Variants in SLC24A2 observed in about 807,000 individuals in gnomAD.
SLC24A2 encodes the protein solute carrier family 24 member 2.
SLC24A2 carries 36 observed loss-of-function variants against 62.0 expected under a neutral mutation model. The ratio of observed to expected loss-of-function variants is 0.58; its 90% CI spans 0.44 to 0.77. SLC24A2 has a LOEUF of 0.77. Among genes scored for constraint, SLC24A2 ranks in the 30% least tolerant of loss-of-function variants. The pLI is 0.00. For missense variants in SLC24A2, 846 were observed against 817.9 expected (o/e 1.03, Z -0.42); for synonymous variants, 358 against 294.0 (o/e 1.22, Z -2.23).
At chr9:19,577,584 G>A (rs549144369) in intron 5 of SLC24A2, among the ~76,000 whole-genome samples, 1 of 152,262 alleles carries the variant, frequency 6.6e-6, no homozygotes, top group East Asian at 1.9e-4. Flanking sequence ...TAAGGAACAT[G>A]CATCACAGCT....
chr9:20,204,398 A>G, the SLC24A2 span, among the ~76,000 whole-genome samples: 1 of 152,214 alleles, frequency 6.6e-6, no homozygotes, highest in Admixed American at 6.5e-5. Flanking sequence ...AAGCATGGCT[A>G]TTTTGCTTGC....
At chr9:20,173,792 T>C in the SLC24A2 span, among the ~76,000 whole-genome samples, 1 of 151,934 alleles carries the variant, frequency 6.6e-6, no homozygotes, top group South Asian at 2.1e-4. Context: ...ATCTATAAGT[T>C]CAATGCAATT....
chr9:20,080,364 G>C, the SLC24A2 span, among the ~76,000 whole-genome samples: 132 of 152,276 alleles, frequency 8.7e-4, 1 homozygote, highest in African/African-American at 2.6e-3. Context: ...CTGACAAAAA[G>C]AAGAAATGGG....
the SLC24A2 span, among the ~76,000 whole-genome samples, chr9:19,843,915 C>T: frequency 2.0e-5 from 3 of 152,146 alleles, no homozygotes; most frequent in Non-Finnish European, 4.4e-5. Flanking sequence ...TTTCTTTGTC[C>T]AGTCCACTGT....
At chr9:19,635,025 C>G (rs1818276112) in intron 2 of SLC24A2, among the ~76,000 whole-genome samples, 1 of 152,156 alleles carries the variant, frequency 6.6e-6, no homozygotes, top group African/African-American at 2.4e-5. Flanking sequence ...GCTGTGGTTT[C>G]CTAGGACATA....
intron 2 of SLC24A2, among the ~76,000 whole-genome samples, chr9:19,704,798 CTTTTTTT>C: frequency 7.4e-6 from 1 of 135,736 alleles, no homozygotes; most frequent in South Asian, 2.4e-4. Context: ...AAAAACCAAA[CTTTTTTT>C]TTTTTTTTTT....
At chr9:19,768,517 C>G (rs961259914) in intron 2 of SLC24A2, among the ~76,000 whole-genome samples, 2 of 152,102 alleles carry the variant, frequency 1.3e-5, no homozygotes, top group Non-Finnish European at 2.9e-5. Context: ...TGAACCCTCT[C>G]TATATTTTGT....
At chr9:20,104,140 G>C in the SLC24A2 span, among the ~76,000 whole-genome samples, 1 of 152,116 alleles carries the variant, frequency 6.6e-6, no homozygotes, top group Admixed American at 6.5e-5. Context: ...GAGAAGGGAA[G>C]TTTAGAGAAA....
At chr9:19,901,395 A>T in the SLC24A2 span, among the ~76,000 whole-genome samples, 802 of 152,288 alleles carry the variant, frequency 5.3e-3, 6 homozygotes, top group Non-Finnish European at 6.8e-3. Context: ...TTTATTTCTT[A>T]TAAGGGTTAC....
chr9:19,824,840 A>G, the SLC24A2 span, among the ~76,000 whole-genome samples: 3 of 152,230 alleles, frequency 2.0e-5, no homozygotes, highest in African/African-American at 4.8e-5. Flanking sequence ...CTATGCAGCC[A>G]TAAAAAAAGA....
At chr9:20,154,990 T>G in the SLC24A2 span, among the ~76,000 whole-genome samples, 273 of 151,720 alleles carry the variant, frequency 1.8e-3, 7 homozygotes, top group South Asian at 0.026. Flanking sequence ...TTCCTGTAAG[T>G]TCCTTCAACA....
chr9:19,652,859 A>G (rs182108410), intron 2 of SLC24A2, among the ~76,000 whole-genome samples: 5 of 152,010 alleles, frequency 3.3e-5, no homozygotes, highest in Non-Finnish European at 5.9e-5. Context: ...CATTTAACCA[A>G]TATTCGTGAA....
the SLC24A2 span, among the ~76,000 whole-genome samples, chr9:20,002,693 G>A: frequency 6.6e-6 from 1 of 152,180 alleles, no homozygotes; most frequent in South Asian, 2.1e-4. Flanking sequence ...CACTCACAGT[G>A]ACTGTCACCA....
At chr9:19,613,717 T>C (rs1817689927) in intron 4 of SLC24A2, among the ~76,000 whole-genome samples, 1 of 151,958 alleles carries the variant, frequency 6.6e-6, no homozygotes, top group Non-Finnish European at 1.5e-5. Flanking sequence ...TCAGAGCTCT[T>C]GTGATTTAAG....
rs188850153 is a variant in SLC24A2, at chr9:19,628,584, T to C, written c.931-6285A>G. Among the ~76,000 whole-genome samples, 8 of 152,342 alleles carry C rather than the reference T, an allele frequency of 5.3e-5. No homozygotes were observed. The East Asian group carries it at 1.5e-3, about 29-fold the overall frequency. The stretch of plus-strand genomic sequence containing the variant: ...TCTCACAATTGCTAATGAATAATTT[T>C]GATATGCCAATCAAACACAATCTGC... On this transcript the variant is annotated intron_variant, in intron 2 of 10. Coordinates refer to ENST00000341998, the MANE Select transcript of SLC24A2 (RefSeq NM_020344.4).
At chr9:19,536,070 T>C (rs1429798333) in intron 8 of SLC24A2, among the ~76,000 whole-genome samples, 1 of 151,996 alleles carries the variant, frequency 6.6e-6, no homozygotes, top group Non-Finnish European at 1.5e-5. Flanking sequence ...CCTTGTAAGT[T>C]GTATTCCTAG....
the SLC24A2 span, among the ~76,000 whole-genome samples, chr9:20,044,530 C>T: frequency 6.6e-6 from 1 of 152,044 alleles, no homozygotes; most frequent in Non-Finnish European, 1.5e-5. Context: ...ATTCCTTTTG[C>T]TGGGTCAAGG....
the SLC24A2 span, among the ~76,000 whole-genome samples, chr9:19,886,467 G>A: frequency 6.6e-5 from 10 of 151,698 alleles, no homozygotes; most frequent in African/African-American, 1.7e-4. Context: ...GCTCAACACC[G>A]CTGATCATTA....
At chr9:20,147,419 C>A in the SLC24A2 span, among the ~76,000 whole-genome samples, 1 of 152,072 alleles carries the variant, frequency 6.6e-6, no homozygotes, top group Non-Finnish European at 1.5e-5. Flanking sequence ...AAATGGGCAA[C>A]ATAATTATGC....
Sources: gnomAD v4.1 joint callset for allele counts (sites outside exome capture counted in the v4.1 genomes callset) on GRCh38, gnomAD v4.1.1 for gene constraint, MANE v1.5 for transcripts, NCBI Gene and HGNC (gene_info 2026-07-23, HGNC 2026-07-21) for gene names.